The following DEPTOR variants were observed in gnomAD, a reference collection of about 807,000 sequenced individuals.
DEPTOR encodes the protein DEP domain-containing mTOR-interacting protein.
In DEPTOR, 41 loss-of-function variants were observed where a neutral mutation model predicts 41.6. The observed-to-expected ratio is 0.98, with a 90% CI of 0.77 to 1.28. The LOEUF (loss-of-function observed/expected upper bound fraction) is 1.28, where lower values mean the gene tolerates loss of function less well. Ranked by LOEUF, DEPTOR falls within the 50% of genes most tolerant of loss-of-function variation. DEPTOR has a pLI of 0.00. For synonymous variants in DEPTOR, 195 were observed against 192.3 expected (o/e 1.01, Z -0.12); for missense variants, 514 against 527.9 (o/e 0.97, Z 0.26).
chr8:119,984,731 G>A (rs1037133142), intron 4 of DEPTOR, among the ~76,000 whole-genome samples: 7 of 152,148 alleles, frequency 4.6e-5, no homozygotes, highest in African/African-American at 9.7e-5. Context: ...ATAAACATAC[G>A]TGTGCATGTG....
intron 3 of DEPTOR, among the ~76,000 whole-genome samples, chr8:119,943,437 C>T (rs531620171): frequency 8.5e-5 from 13 of 152,220 alleles, no homozygotes; most frequent in Non-Finnish European, 1.5e-4. Flanking sequence ...AGGAGGAACT[C>T]TCAAACACTT....
intron 4 of DEPTOR, among the ~76,000 whole-genome samples, chr8:119,976,346 T>C (rs962964054): frequency 3.3e-5 from 5 of 152,126 alleles, no homozygotes; most frequent in African/African-American, 4.8e-5. Flanking sequence ...TGTATTCCTA[T>C]TGGTTTGGCG....
intron 4 of DEPTOR, chr8:119,969,978 A>G (rs1305256695): frequency 6.6e-6 from 1 of 152,194 alleles, no homozygotes; most frequent in Non-Finnish European, 1.5e-5. Context: ...CCTATTTTGA[A>G]ACCAGTAAGT....
intron 1 of DEPTOR, among the ~76,000 whole-genome samples, chr8:119,896,611 C>T (rs1455975425): frequency 6.6e-6 from 1 of 152,072 alleles, no homozygotes; most frequent in East Asian, 1.9e-4. Context: ...GTGATTCTCC[C>T]GCCTTGGCCT....
chr8:119,907,286 T>C (rs1263755300), intron 1 of DEPTOR, among the ~76,000 whole-genome samples: 1 of 152,136 alleles, frequency 6.6e-6, no homozygotes, highest in African/African-American at 2.4e-5. Context: ...TTTTAAGAAA[T>C]ATATGGGGCA....
intron 1 of DEPTOR, among the ~76,000 whole-genome samples, chr8:119,925,314 T>C (rs534317175): frequency 8.3e-4 from 126 of 152,060 alleles, no homozygotes; most frequent in African/African-American, 3.0e-3. Flanking sequence ...TACTTGAACA[T>C]GGGAGGTGGA....
intron 8 of DEPTOR, among the ~76,000 whole-genome samples, chr8:120,023,826 T>G (rs1185813909): frequency 6.6e-6 from 1 of 151,376 alleles, no homozygotes; most frequent in African/African-American, 2.4e-5. Flanking sequence ...TTTGCTTGGC[T>G]TCCATTCCCA....
chr8:119,971,089 G>A (rs1177870273), intron 4 of DEPTOR, among the ~76,000 whole-genome samples: 5 of 152,146 alleles, frequency 3.3e-5, no homozygotes, highest in South Asian at 2.1e-4. Context: ...AAACTTAGCC[G>A]GGCATGGTGG....
chr8:119,999,453 A>G (rs1172893137), intron 4 of DEPTOR, among the ~76,000 whole-genome samples: 1 of 152,074 alleles, frequency 6.6e-6, no homozygotes, highest in African/African-American at 2.4e-5. Flanking sequence ...TGGCATGTTT[A>G]TATCACTCTA....
intron 1 of DEPTOR, among the ~76,000 whole-genome samples, chr8:119,908,206 G>A (rs1827691463): frequency 6.6e-6 from 1 of 152,126 alleles, no homozygotes; most frequent in South Asian, 2.1e-4. Context: ...CCAAGAGAGG[G>A]CATGGAAGCT....
At chr8:120,023,480 T>C (rs891369695) in intron 8 of DEPTOR, among the ~76,000 whole-genome samples, 2 of 152,146 alleles carry the variant, frequency 1.3e-5, no homozygotes, top group Non-Finnish European at 2.9e-5. Context: ...TACAGTCACA[T>C]TGGGCATTAA....
rs528792632 is a variant in DEPTOR at position 120,028,128 on chromosome 8, T to C, written c.1101+18995T>C. Among the ~76,000 whole-genome samples, 81 of 152,320 alleles carry C rather than the reference T, an allele frequency of 5.3e-4. 1 individual carries two copies. Among genetic ancestry groups the C allele is most frequent in the Non-Finnish European group, 9.1e-4 (62 of 68,038 alleles). ...TCCACAGTTTGTTTATGAAATATAT[T>C]GTGAAGGCATTTAGATGATGTACTT... On this transcript the variant is annotated intron_variant, in intron 8 of 8. Coordinates refer to ENST00000286234, the MANE Select transcript of DEPTOR (RefSeq NM_022783.4).
rs370014084 is a variant in DEPTOR at position 120,009,118 on chromosome 8, C to T, written c.1086C>T (p.Ala362=). The change falls in exon 8 of 9, where the codon GCC becomes GCT. Residue 362 remains alanine (A), a synonymous_variant. Coordinates refer to ENST00000286234, the MANE Select transcript of DEPTOR (RefSeq NM_022783.4). Reference sequence around the variant, plus strand: ...CTGTAGACCCCAGTGGCCCTGCAGCCGCAGCAGGAATGAAGGTACTAACGG... The same window carrying T: ...CTGTAGACCCCAGTGGCCCTGCAGCTGCAGCAGGAATGAAGGTACTAACGG... The part of the protein sequence containing the change: ...IQAVDPSGPA[A]AAGMKVCQFV... The T allele has an allele frequency of 1.1e-5, 18 of 1,613,804 alleles. No homozygotes were observed. Among genetic ancestry groups the T allele is most frequent in the South Asian group, 3.3e-5 (3 of 90,962 alleles).
chr8:119,937,571 TTC>T (rs1260338798), intron 3 of DEPTOR, among the ~76,000 whole-genome samples: 4 of 152,190 alleles, frequency 2.6e-5, no homozygotes, highest in Non-Finnish European at 5.9e-5. Flanking sequence ...TTTTGTAACT[TTC>T]TGTTTGTGTG....
At chr8:120,010,892 T>G (rs766332832) in intron 8 of DEPTOR, among the ~76,000 whole-genome samples, 3 of 152,220 alleles carry the variant, frequency 2.0e-5, no homozygotes, top group Non-Finnish European at 4.4e-5. Flanking sequence ...GGTTTTCTGC[T>G]TTGAAATACC....
chr8:120,037,919 G>A (rs1345290383), intron 8 of DEPTOR, among the ~76,000 whole-genome samples: 1 of 152,150 alleles, frequency 6.6e-6, no homozygotes, highest in Non-Finnish European at 1.5e-5. Flanking sequence ...TGATTATCAA[G>A]TGAGCATTAT....
intron 4 of DEPTOR, among the ~76,000 whole-genome samples, chr8:119,997,899 T>C (rs1356913397): frequency 6.6e-6 from 1 of 152,146 alleles, no homozygotes; most frequent in Non-Finnish European, 1.5e-5. Flanking sequence ...TCTTAATGGG[T>C]TTTTATTATC....
intron 3 of DEPTOR, 105 bp downstream of exon 3, chr8:119,930,043 G>A: frequency 7.2e-7 from 1 of 1,382,394 alleles, no homozygotes; most frequent in Non-Finnish European, 9.7e-7. Flanking sequence ...TATGTGGGCT[G>A]GTTACATAAC....
intron 3 of DEPTOR, among the ~76,000 whole-genome samples, chr8:119,959,429 G>C (rs1398195765): frequency 6.6e-6 from 1 of 151,846 alleles, no homozygotes; most frequent in Non-Finnish European, 1.5e-5. Context: ...CCAAAGTGCT[G>C]GGATTACAGG....
Sources: allele counts gnomAD v4.1 joint callset (sites outside exome capture counted in the v4.1 genomes callset), GRCh38; gene constraint gnomAD v4.1.1; transcripts MANE v1.5; gene names NCBI Gene and HGNC (gene_info 2026-07-23, HGNC 2026-07-21).